The following ITGAD variants were observed in gnomAD, a reference collection of about 807,000 sequenced individuals.
The protein encoded by ITGAD is integrin subunit alpha D, also known as integrin alpha-D.
Under a neutral mutation model 139.0 loss-of-function variants are expected in ITGAD, and 105 were observed. That is an observed-to-expected ratio of 0.76 (90% CI 0.65 to 0.89). The LOEUF is 0.89. ITGAD is among the 40% of genes least tolerant of loss of function. The pLI, the probability that ITGAD is intolerant of heterozygous loss-of-function variation, is 0.00. For synonymous variants in ITGAD, 569 were observed against 598.3 expected (o/e 0.95, Z 0.71); for missense variants, 1,384 against 1,487.3 (o/e 0.93, Z 1.14).
At chr16:31,423,722 A>G (rs2082053869) in intron 26 of ITGAD, 74 bp downstream of exon 26, 21 of 1,537,666 alleles carry the variant, frequency 1.4e-5, no homozygotes, top group Non-Finnish European at 1.7e-5. Context: ...CTGCTAGGCC[A>G]CAGAGTTCCG....
At chr16:31,404,070 G>A (rs987095042) in intron 7 of ITGAD, 18 of 171,112 alleles carry the variant, frequency 1.1e-4, no homozygotes, top group Admixed American at 5.9e-4. Flanking sequence ...GATCATGTGT[G>A]TGGGGTGCTC....
chr16:31,407,487 A>C (rs1402535219), intron 7 of ITGAD, 28 bp from the exon 8 acceptor site: 1 of 1,547,754 alleles, frequency 6.5e-7, no homozygotes, highest in Non-Finnish European at 8.7e-7. Flanking sequence ...ACATCTCAGT[A>C]GAGTCATCTT....
At position 31,424,159 on chromosome 16, in the gene ITGAD, G is replaced by A. The variant is rs773824422; in HGVS notation, c.3217G>A (p.Val1073Met). The part of the protein sequence containing the change: ...SVAEITFDTS[V>M]YSQLPGQEAF... ...GGCTGAAATTACGTTCGACACATCC[G>A]TGTACTCCCAGCTTCCAGGACAGGA... Residue 1073 changes from valine (V) to methionine (M), a missense_variant, in exon 28 of 30, where the codon GTG becomes ATG. Transcript: ENST00000389202. 7.4e-6 allele frequency: 12 copies of A among 1,614,074 alleles called. No homozygotes were observed. Among genetic ancestry groups the A allele is most frequent in the South Asian group, 4.4e-5 (4 of 91,086 alleles).
At chr16:31,421,723 A>G (rs926647843) in intron 23 of ITGAD, among the ~76,000 whole-genome samples, 1 of 152,022 alleles carries the variant, frequency 6.6e-6, no homozygotes, top group Non-Finnish European at 1.5e-5. Flanking sequence ...AAGAGTGAAA[A>G]GCTACAGTTT....
chr16:31,408,300 C>A (rs1373045829), intron 9 of ITGAD, 125 bp from the exon 10 acceptor site: 1 of 777,644 alleles, frequency 1.3e-6, no homozygotes, highest in Admixed American at 2.0e-5. Flanking sequence ...TGGGCCATTC[C>A]TGTTCACAAC....
rs969276106 is a variant in ITGAD at position 31,424,118 on chromosome 16, T to C, written c.3176T>C (p.Val1059Ala). Residue 1059 changes from valine (V) to alanine (A), a missense_variant, in exon 28 of 30, where the codon GTG (valine) becomes GCG (alanine). By Grantham distance (64) the Val-to-Ala change is moderately conservative. Coordinates refer to ENST00000389202, the MANE Select transcript of ITGAD (RefSeq NM_005353.3). ...CCTTTGCAGACATTGCAGAAGAAGG[T>C]GTTGGTCGTGAGTGTGGCTGAAATT... is the stretch of plus-strand genomic sequence containing the variant. Reference protein sequence around the residue: ...GWVRETLQKKVLVVSVAEITF... With the variant: ...GWVRETLQKKALVVSVAEITF... 6.2e-7 allele frequency: 1 copy of C among 1,614,128 alleles called. No individual in the cohort carries two copies. The highest frequency in any genetic ancestry group is 8.5e-7 in the Non-Finnish European group (1 of 1,180,014).
At chr16:31,419,738 G>A (rs1337130947) in intron 23 of ITGAD, among the ~76,000 whole-genome samples, 1 of 151,010 alleles carries the variant, frequency 6.6e-6, no homozygotes. Context: ...TTGAACTTGG[G>A]AGGCGGAGAT....
intron 1 of ITGAD, 102 bp from the exon 2 acceptor site, chr16:31,394,130 CAAAA>C (rs943198130): frequency 2.1e-3 from 865 of 414,566 alleles, no homozygotes; most frequent in South Asian, 3.0e-3. Flanking sequence ...GACTCCATCT[CAAAA>C]AAAAAAAAAA....
chr16:31,425,827 C>T (rs528151652), intron 29 of ITGAD, among the ~76,000 whole-genome samples, 188 bp from the exon 30 acceptor site: 5 of 151,916 alleles, frequency 3.3e-5, no homozygotes, highest in Admixed American at 6.6e-5. Context: ...GGATTACAGG[C>T]GCACCACCAC....
chr16:31,399,591 G>T (rs1033019150), intron 5 of ITGAD, among the ~76,000 whole-genome samples: 3 of 152,158 alleles, frequency 2.0e-5, no homozygotes, highest in African/African-American at 7.2e-5. Context: ...CAGGGTTCTT[G>T]GGGGGACCGT....
chr16:31,402,119 T>G lies in ITGAD; in HGVS notation c.432T>G (p.Cys144Trp), dbSNP rs1390488919. The change falls in exon 6 of 30, where the codon TGT becomes TGG. Residue 144 changes from cysteine (C) to tryptophan (W), a missense_variant. Cys to Trp is a radical substitution (Grantham distance 215). Transcript: ENST00000389202. ...TTCCTCCCCATTCCCCCACAGAGTG[T>G]CCACATCAAGAGATGGACATCGTCT... ...IQTVPDATPECPHQEMDIVFL... is the reference protein window; with the variant it reads ...IQTVPDATPEWPHQEMDIVFL... 3 of 1,613,594 alleles carry G rather than the reference T, an allele frequency of 1.9e-6. No individual in the cohort carries two copies. The highest frequency in any genetic ancestry group is 2.5e-6 in the Non-Finnish European group (3 of 1,179,676).
rs566713369 is a variant in ITGAD, at chr16:31,396,764, A to G, written c.138-595A>G. 8.5e-5 allele frequency among the ~76,000 whole-genome samples: 13 copies of G among 152,294 alleles called. No homozygotes were observed. The East Asian group carries it at 2.5e-3, about 29-fold the overall frequency. On this transcript the variant is annotated intron_variant, in intron 2 of 29. Transcript: ENST00000389202. ...GTAGTGAGAAAACATTTCCAAAATT[A>G]AAAAACTTTCCCACTCAGGGAGTTT... is the stretch of plus-strand genomic sequence containing the variant.
chr16:31,426,196 A>G lies in ITGAD; in HGVS notation c.*68A>G. 8 of 1,073,676 alleles carry G rather than the reference A, an allele frequency of 7.5e-6. No individual in the cohort carries two copies. The highest frequency in any genetic ancestry group is 6.6e-5 in the South Asian group (5 of 75,950). The allele number at this position is 1,073,676 out of a possible 1,614,324, so 66.5% of individuals were successfully genotyped here. A position where few individuals can be genotyped will look rare whatever the true frequency, so the allele number is the denominator to read the frequency against. The stretch of plus-strand genomic sequence containing the variant: ...TGCTTGCAACCATAAATCAACTTAC[A>G]TGGAAACAACTTCTGCATAGATCTG... On this transcript the variant is annotated 3_prime_UTR_variant, in exon 30 of 30. Transcript: ENST00000389202.
At chr16:31,414,381 A>G in intron 16 of ITGAD, 70 bp from the exon 17 acceptor site, 1 of 1,542,616 alleles carries the variant, frequency 6.5e-7, no homozygotes, top group Non-Finnish European at 8.9e-7. Context: ...TATTGCATGA[A>G]CAAATAATGA....
chr16:31,416,322 G>A, intron 19 of ITGAD, 36 bp downstream of exon 19: 1 of 1,544,520 alleles, frequency 6.5e-7, no homozygotes. Flanking sequence ...AGACACTCAG[G>A]CTTCTGAGTC....
chr16:31,402,385 C>A, intron 6 of ITGAD, 140 bp downstream of exon 6: 1 of 731,402 alleles, frequency 1.4e-6, no homozygotes, highest in South Asian at 2.0e-5. Context: ...GGTCCCAGCA[C>A]AGGCCCAACT....
intron 29 of ITGAD, among the ~76,000 whole-genome samples, chr16:31,425,070 CTCTT>C (rs1330635579): frequency 1.3e-5 from 2 of 152,112 alleles, no homozygotes; most frequent in African/African-American, 2.4e-5. Context: ...GCCTGTTTCT[CTCTT>C]TCTTTTTTTT....
Position 31,408,468 on chromosome 16 carries a change from C to G in ITGAD, c.1053C>G (p.Ser351=). The change falls in exon 10 of 30, where the codon TCC becomes TCG. Residue 351 remains serine, a synonymous_variant. Coordinates refer to ENST00000389202, the MANE Select transcript of ITGAD (RefSeq NM_005353.3). ...RASSSFQHEM[S]QEGFSTALTM... The stretch of plus-strand genomic sequence containing the variant: ...GCAGCTCCTTCCAGCACGAGATGTC[C>G]CAAGAAGGCTTCAGCACAGCCCTCA... 1 of 1,614,058 alleles carries G rather than the reference C, an allele frequency of 6.2e-7. No homozygotes were observed. Among genetic ancestry groups the G allele is most frequent in the Admixed American group, 1.7e-5 (1 of 60,004 alleles).
At chr16:31,394,653 C>T (rs1399047958) in intron 2 of ITGAD, among the ~76,000 whole-genome samples, 1 of 152,138 alleles carries the variant, frequency 6.6e-6, no homozygotes, top group Non-Finnish European at 1.5e-5. Context: ...TAATGTTCTG[C>T]CCTTGACCTC....
Sources: allele counts gnomAD v4.1 joint callset (sites outside exome capture counted in the v4.1 genomes callset), GRCh38; gene constraint gnomAD v4.1.1; transcripts MANE v1.5; gene names NCBI Gene and HGNC (gene_info 2026-07-23, HGNC 2026-07-21).